ZBTB7C: variants seen among roughly 807,000 people sequenced by gnomAD.
ZBTB7C encodes zinc finger and BTB domain-containing protein 7C.
Under a neutral mutation model 25.7 loss-of-function variants are expected in ZBTB7C, and 8 were observed. That is an observed-to-expected ratio of 0.31 (90% confidence interval 0.18 to 0.56). ZBTB7C has a LOEUF of 0.56. Ranked by LOEUF, ZBTB7C falls within the 20% of genes least tolerant of loss-of-function variation. The pLI is 0.91. For missense variants in ZBTB7C, 824 were observed against 855.2 expected (o/e 0.96, Z 0.46); for synonymous variants, 394 against 369.0 (o/e 1.07, Z -0.78).
chr18:48,124,372 T>A (rs1352867985), intron 3 of ZBTB7C, among the ~76,000 whole-genome samples: 2 of 152,260 alleles, frequency 1.3e-5, no homozygotes, highest in African/African-American at 4.8e-5. Flanking sequence ...TGCACCACAG[T>A]CCTTAGAGCC....
chr18:48,059,776 A>C (rs921641915), intron 3 of ZBTB7C, among the ~76,000 whole-genome samples: 1 of 152,208 alleles, frequency 6.6e-6, no homozygotes, highest in Non-Finnish European at 1.5e-5. Context: ...TCATAAAAAA[A>C]AATACTGTGG....
intron 3 of ZBTB7C, among the ~76,000 whole-genome samples, chr18:48,108,300 C>T (rs1483448963): frequency 2.6e-5 from 4 of 152,118 alleles, no homozygotes; most frequent in African/African-American, 9.7e-5. Context: ...GAATGAGCTT[C>T]GGCAAGTTAA....
upstream of ZBTB7C, among the ~76,000 whole-genome samples, chr18:48,412,050 C>T (rs138988981): frequency 3.3e-5 from 5 of 152,326 alleles, no homozygotes; most frequent in East Asian, 9.6e-4. Context: ...TCTAAAGCCT[C>T]CATTTCCAAA....
At chr18:48,382,505 C>T (rs1179762923) in intron 1 of ZBTB7C, among the ~76,000 whole-genome samples, 3 of 152,270 alleles carry the variant, frequency 2.0e-5, no homozygotes, top group Non-Finnish European at 2.9e-5. Context: ...ATTATAAAAA[C>T]GCTTCTTCAA....
chr18:48,357,087 A>C (rs2046992300), intron 1 of ZBTB7C, among the ~76,000 whole-genome samples: 1 of 152,222 alleles, frequency 6.6e-6, no homozygotes, highest in Non-Finnish European at 1.5e-5. Flanking sequence ...GGCAGCCTGC[A>C]TTCTCCATGA....
rs539081436 is a variant in ZBTB7C at position 48,040,675 on chromosome 18, C to T, written c.433G>A (p.Asp145Asn). The T allele has an allele frequency of 8.7e-6, 14 of 1,613,408 alleles. No individual in the cohort carries two copies. The South Asian group carries it at 8.8e-5, about 10-fold the overall frequency. Reference sequence around the variant, plus strand: ...TCCTCCTCATCATCATCATCTTCGTCGTCGTCATCGTCCTCCTTGTCATCC... The same window carrying T: ...TCCTCCTCATCATCATCATCTTCGTTGTCGTCATCGTCCTCCTTGTCATCC... Reference protein sequence around the residue: ...EEDDKEDDDDDEDDDDEEDEE... With the variant: ...EEDDKEDDDDNEDDDDEEDEE... Residue 145 changes from aspartate to asparagine, a missense_variant, in exon 4 of 5, where the codon GAC (aspartate) becomes AAC (asparagine). This residue lies in a region of ZBTB7C where 316 missense variants were observed against 299.2 expected (regional missense o/e 1.06). Coordinates refer to ENST00000590800, the MANE Select transcript of ZBTB7C (RefSeq NM_001318841.2).
intron 2 of ZBTB7C, among the ~76,000 whole-genome samples, chr18:48,324,128 G>T (rs922134763): frequency 1.3e-5 from 2 of 152,138 alleles, no homozygotes; most frequent in Non-Finnish European, 2.9e-5. Context: ...TTCCAGAATC[G>T]TGAGTAGCAA....
At chr18:48,349,302 T>C (rs1247011160) in intron 1 of ZBTB7C, among the ~76,000 whole-genome samples, 1 of 152,234 alleles carries the variant, frequency 6.6e-6, no homozygotes, top group African/African-American at 2.4e-5. Context: ...CAATGATAAA[T>C]TTTCTCTTTA....
intron 2 of ZBTB7C, among the ~76,000 whole-genome samples, chr18:48,240,489 G>A (rs1181419145): frequency 6.6e-6 from 1 of 152,178 alleles, no homozygotes; most frequent in Non-Finnish European, 1.5e-5. Flanking sequence ...CAGACTAACT[G>A]CAGATTTCTC....
At chr18:48,150,314 G>A (rs975940166) in intron 3 of ZBTB7C, 1 of 151,852 alleles carries the variant, frequency 6.6e-6, no homozygotes, top group African/African-American at 2.4e-5. Context: ...GGGCGCAGTG[G>A]CTCATGCCTG....
intron 3 of ZBTB7C, among the ~76,000 whole-genome samples, chr18:48,182,096 C>A (rs775681225): frequency 6.6e-5 from 10 of 152,130 alleles, no homozygotes; most frequent in African/African-American, 2.4e-4. Flanking sequence ...GAAACTCCAC[C>A]AATTTGATGC....
intron 2 of ZBTB7C, among the ~76,000 whole-genome samples, chr18:48,318,767 C>T (rs775095240): frequency 1.3e-5 from 2 of 152,176 alleles, no homozygotes; most frequent in Non-Finnish European, 2.9e-5. Context: ...TTCAAAGAGT[C>T]TCTCCCCAAG....
chr18:48,121,839 C>T (rs947435284), intron 3 of ZBTB7C, among the ~76,000 whole-genome samples: 9 of 152,200 alleles, frequency 5.9e-5, no homozygotes, highest in African/African-American at 2.2e-4. Flanking sequence ...AGGGAAAAGG[C>T]TGTGCTGGGC....
intron 3 of ZBTB7C, among the ~76,000 whole-genome samples, chr18:48,154,399 G>A (rs980743636): frequency 3.3e-5 from 5 of 152,192 alleles, no homozygotes; most frequent in African/African-American, 7.2e-5. Context: ...GACAAGGCCC[G>A]AGCTGTAACC....
intron 2 of ZBTB7C, among the ~76,000 whole-genome samples, chr18:48,285,026 A>C (rs79623714): frequency 0.084 from 12,795 of 152,256 alleles, 651 homozygotes; most frequent in African/African-American, 0.14. Context: ...GATGTTGATT[A>C]TTTGACACTT....
intron 3 of ZBTB7C, among the ~76,000 whole-genome samples, chr18:48,109,123 C>A (rs549197247): frequency 2.6e-5 from 4 of 152,044 alleles, no homozygotes; most frequent in African/African-American, 9.7e-5. Context: ...GTGGGGGTTG[C>A]GGTCCCTAGC....
intron 3 of ZBTB7C, among the ~76,000 whole-genome samples, chr18:48,044,542 C>G (rs1231875217): frequency 6.6e-6 from 1 of 152,224 alleles, no homozygotes. Context: ...AGCAAGCAGC[C>G]CCTGGAGGCC....
chr18:48,258,808 A>G (rs2044091829), intron 2 of ZBTB7C, among the ~76,000 whole-genome samples: 2 of 138,736 alleles, frequency 1.4e-5, no homozygotes, highest in African/African-American at 5.9e-5. Context: ...ACAGGCGCAC[A>G]CCACCACGCT....
At chr18:48,318,317 C>A (rs549757425) in intron 2 of ZBTB7C, among the ~76,000 whole-genome samples, 7 of 152,358 alleles carry the variant, frequency 4.6e-5, no homozygotes, top group South Asian at 2.1e-4. Flanking sequence ...ACCAACCCCC[C>A]CTCACAAGTC....
Sources: allele counts gnomAD v4.1 joint callset (sites outside exome capture counted in the v4.1 genomes callset), GRCh38; gene constraint gnomAD v4.1.1; regional missense constraint gnomAD v4.1.1; transcripts MANE v1.5; gene names NCBI Gene and HGNC (gene_info 2026-07-23, HGNC 2026-07-21).